SLC38A8: variants seen among roughly 807,000 people sequenced by gnomAD.
The protein encoded by SLC38A8 is amino acid transporter SLC38A8.
In SLC38A8, 65 loss-of-function variants were observed where a neutral mutation model predicts 46.0. The observed-to-expected ratio is 1.41, with a 90% CI of 1.16 to 1.74. The LOEUF (loss-of-function observed/expected upper bound fraction) is 1.74, where lower values mean the gene tolerates loss of function less well. Among genes scored for constraint, SLC38A8 ranks in the 40% most tolerant of loss-of-function variants. The pLI, the probability that SLC38A8 is intolerant of heterozygous loss-of-function variation, is 0.00. For missense variants in SLC38A8, 998 were observed against 567.9 expected (o/e 1.76, Z -7.70); for synonymous variants, 447 against 243.7 (o/e 1.83, Z -7.77).
chr16:84,037,373 G>A (rs77634852), intron 2 of SLC38A8, among the ~76,000 whole-genome samples: 3 of 149,156 alleles, frequency 2.0e-5, no homozygotes, highest in Non-Finnish European at 3.0e-5. Context: ...CTGTGAAATG[G>A]GGGCGGCACC....
chr16:84,042,074 G>T lies in SLC38A8; in HGVS notation c.84C>A (p.Gly28=). 1 of 1,614,038 alleles carries T rather than the reference G, an allele frequency of 6.2e-7. No individual in the cohort carries two copies. The highest frequency in any genetic ancestry group is 2.2e-5 in the East Asian group (1 of 44,876). Residue 28 remains glycine (G), a synonymous_variant, in exon 2 of 11, where the codon GGC becomes GGA. Coordinates refer to ENST00000299709, the MANE Select transcript of SLC38A8 (RefSeq NM_001080442.3). ...CGGACTTCATGAGGATGAAGACAGCGCCCATCGAGGACAGAGTGGCAGCAG... is the reference window on the plus strand; with the variant it reads ...CGGACTTCATGAGGATGAAGACAGCTCCCATCGAGGACAGAGTGGCAGCAG... ...ATAAATLSSM[G]AVFILMKSAL...
At chr16:84,027,544 T>A (rs778354396) in intron 6 of SLC38A8, among the ~76,000 whole-genome samples, 1 of 151,876 alleles carries the variant, frequency 6.6e-6, no homozygotes, top group Non-Finnish European at 1.5e-5. Context: ...CAGGTCAGAG[T>A]TCCTGATGAC....
In SLC38A8 at chr16:84,009,881, C is replaced by T; in HGVS notation, c.1215-4G>A. 6.2e-7 allele frequency: 1 copy of T among 1,612,312 alleles called. No homozygotes were observed. The highest frequency in any genetic ancestry group is 8.5e-7 in the Non-Finnish European group (1 of 1,179,472). On this transcript the variant is annotated splice_region_variant and splice_polypyrimidine_tract_variant and intron_variant, in intron 10 of 10. Transcript: ENST00000299709. ...TCCCCAGACCTCCAGGCAGCACCTG[C>T]CAAGTGAATAAACCCATGTCAGAGC...
rs190583132 is a variant in SLC38A8 at position 84,016,456 on chromosome 16, G to A, written c.1162+63C>T. The A allele has an allele frequency of 5.1e-6, 8 of 1,557,214 alleles. No individual in the cohort carries two copies. In the African/African-American group the frequency reaches 8.2e-5, roughly 16 times the overall value. On this transcript the variant is annotated intron_variant, in intron 9 of 10. Transcript: ENST00000299709. ...AGAACCTTGACCTCCAACACTGGGA[G>A]TCCCCACAGAGATGAGCAGGGAAGA...
intron 6 of SLC38A8, among the ~76,000 whole-genome samples, chr16:84,027,595 AC>A (rs911618210): frequency 1.3e-5 from 2 of 151,692 alleles, no homozygotes; most frequent in Admixed American, 6.6e-5. Flanking sequence ...CTCCAGCCTT[AC>A]CCCCTTTTCC....
chr16:84,035,706 T>C (rs1027674613), intron 3 of SLC38A8, among the ~76,000 whole-genome samples: 8 of 152,330 alleles, frequency 5.3e-5, no homozygotes, highest in African/African-American at 1.9e-4. Flanking sequence ...AGTGCCTCTA[T>C]TAATGGTAGA....
chr16:84,009,711 C>A lies in SLC38A8; in HGVS notation c.*73G>T. The A allele has an allele frequency of 7.7e-7, 1 of 1,301,472 alleles. No homozygotes were observed. Among genetic ancestry groups the A allele is most frequent in the South Asian group, 1.3e-5 (1 of 75,366 alleles). 80.6% of individuals were successfully genotyped at this position (1,301,472 alleles called of 1,614,324 possible). ...TATGAGGAAAAGAAATGGCATCGGT[C>A]TCCTGGCTGCATACAGCAGCCACGT... On this transcript the variant is annotated 3_prime_UTR_variant, in exon 11 of 11. Coordinates refer to ENST00000299709, the MANE Select transcript of SLC38A8 (RefSeq NM_001080442.3).
intron 4 of SLC38A8, among the ~76,000 whole-genome samples, chr16:84,032,210 A>G (rs2085249082): frequency 6.6e-6 from 1 of 151,912 alleles, no homozygotes; most frequent in Non-Finnish European, 1.5e-5. Context: ...GTTTTTTGAG[A>G]CGGAGTCTCG....
chr16:84,010,505 C>T lies in SLC38A8; in HGVS notation c.1215-628G>A, dbSNP rs187009086. Among the ~76,000 whole-genome samples, 607 of 152,202 alleles carry T rather than the reference C, an allele frequency of 4.0e-3. 2 individuals carry two copies. The highest frequency in any genetic ancestry group is 8.0e-3 in the Admixed American group (122 of 15,282). On this transcript the variant is annotated intron_variant, in intron 10 of 10. Coordinates refer to ENST00000299709, the MANE Select transcript of SLC38A8 (RefSeq NM_001080442.3). ...CCTATAATCCCAGCACTTTGGGAGG[C>T]TGAGGCAGGCGGATTCACCTGAGGT...
chr16:84,020,100 C>G (rs1377423150), intron 7 of SLC38A8, among the ~76,000 whole-genome samples: 1 of 151,992 alleles, frequency 6.6e-6, no homozygotes, highest in Non-Finnish European at 1.5e-5. Flanking sequence ...CTGGCAGAGA[C>G]TCTCTGCAGT....
Position 84,041,878 on chromosome 16 carries a change from G to T in SLC38A8, c.189+91C>A, listed in dbSNP as rs192179071. ...CCCGAAGCTATAGCTTACAGGACAC[G>T]CAACTCCGCAGAAGCAATGCGAGGA... is the stretch of plus-strand genomic sequence containing the variant. On this transcript the variant is annotated intron_variant, in intron 2 of 10. Coordinates refer to ENST00000299709, the MANE Select transcript of SLC38A8 (RefSeq NM_001080442.3). The T allele has an allele frequency of 4.2e-6, 5 of 1,179,956 alleles. No homozygotes were observed. The South Asian group carries it at 7.6e-5, about 18-fold the overall frequency. The allele number at this position is 1,179,956 out of a possible 1,614,324, so 73.1% of individuals were successfully genotyped here.
At chr16:84,015,680 T>C (rs1386167120) in intron 9 of SLC38A8, among the ~76,000 whole-genome samples, 1 of 152,108 alleles carries the variant, frequency 6.6e-6, no homozygotes, top group Non-Finnish European at 1.5e-5. Flanking sequence ...CTCATGCTGC[T>C]AATAAAGACC....
At chr16:84,036,064 A>G (rs2085296354) in intron 3 of SLC38A8, among the ~76,000 whole-genome samples, 1 of 151,804 alleles carries the variant, frequency 6.6e-6, no homozygotes, top group South Asian at 2.1e-4. Flanking sequence ...ACTGGATCTC[A>G]AAAGACAGCA....
rs565032833 is a variant in SLC38A8, at chr16:84,016,021, A to G, written c.1162+498T>C. Among the ~76,000 whole-genome samples the G allele has an allele frequency of 5.3e-5, 8 of 152,306 alleles. No individual in the cohort carries two copies. The East Asian group carries it at 1.5e-3, about 29-fold the overall frequency. On this transcript the variant is annotated intron_variant, in intron 9 of 10. Coordinates refer to ENST00000299709, the MANE Select transcript of SLC38A8 (RefSeq NM_001080442.3). ...TAAAGAAAAGAGGTTTAATGGACTC[A>G]CAGTTCCACATGGCTGAGGAGGCCT...
At chr16:84,034,733 G>A (rs537163214) in intron 3 of SLC38A8, among the ~76,000 whole-genome samples, 34 of 152,234 alleles carry the variant, frequency 2.2e-4, no homozygotes, top group Middle Eastern at 3.4e-3. Flanking sequence ...TGGGAGAGCC[G>A]AGATGCCAAG....
chr16:84,026,854 A>G (rs1026302729), intron 6 of SLC38A8, among the ~76,000 whole-genome samples: 2 of 152,190 alleles, frequency 1.3e-5, no homozygotes, highest in African/African-American at 4.8e-5. Context: ...CAGACAGACA[A>G]GAAGTGCAAG....
At chr16:84,030,303 C>G (rs963508209) in intron 5 of SLC38A8, among the ~76,000 whole-genome samples, 1 of 152,094 alleles carries the variant, frequency 6.6e-6, no homozygotes, top group Non-Finnish European at 1.5e-5. Flanking sequence ...GTCACAACAG[C>G]CCTCGGACAC....
At chr16:84,025,934 C>T (rs943836929) in intron 6 of SLC38A8, among the ~76,000 whole-genome samples, 11 of 152,218 alleles carry the variant, frequency 7.2e-5, no homozygotes, top group African/African-American at 2.7e-4. Context: ...GCCTCCTGCA[C>T]CCCCGCAGCA....
At chr16:84,024,251 G>A (rs1484316127) in intron 6 of SLC38A8, among the ~76,000 whole-genome samples, 3 of 152,212 alleles carry the variant, frequency 2.0e-5, no homozygotes, top group Non-Finnish European at 4.4e-5. Context: ...ACCAGAAAAG[G>A]TCATGAAGGG....
Sources: gnomAD v4.1 joint callset for allele counts (sites outside exome capture counted in the v4.1 genomes callset) on GRCh38, gnomAD v4.1.1 for gene constraint, MANE v1.5 for transcripts, NCBI Gene and HGNC (gene_info 2026-07-23, HGNC 2026-07-21) for gene names.